The following ANKRD11 variants were observed in gnomAD, a reference collection of about 807,000 sequenced individuals.
The protein encoded by ANKRD11 is ankyrin repeat domain 11.
A neutral mutation model predicts 195.7 loss-of-function variants in ANKRD11; 17 were observed. The observed-to-expected ratio is 0.09, with a 90% CI of 0.06 to 0.13. The LOEUF (loss-of-function observed/expected upper bound fraction) is 0.13. Among genes scored for constraint, ANKRD11 ranks in the 10% least tolerant of loss-of-function variants. The probability of loss-of-function intolerance (pLI) is 1.00; values close to 1 mark genes in which losing one functional copy is unlikely to be tolerated. For missense variants in ANKRD11, 3,735 were observed against 3,566.1 expected, an observed-to-expected ratio of 1.05 and a Z score of -1.21; for synonymous variants, 1,953 against 1,528.1, an observed-to-expected ratio of 1.28 and a Z score of -6.49.
At chr16:89,384,847 G>A (rs560089790) in intron 2 of ANKRD11, among the ~76,000 whole-genome samples, 1 of 142,564 alleles carries the variant, frequency 7.0e-6, no homozygotes, top group East Asian at 2.1e-4. Context: ...GTAAGAACAT[G>A]TGTGTGGGAG....
chr16:89,324,324 C>A (rs1431838214), intron 2 of ANKRD11: 1 of 1,244,700 alleles, frequency 8.0e-7, no homozygotes, highest in Non-Finnish European at 1.1e-6. Flanking sequence ...ACACAGCAGT[C>A]GGGGCGACGT....
chr16:89,304,865 GGGAACCACTGTCTC>G (rs1369517498), intron 4 of ANKRD11, among the ~76,000 whole-genome samples: 8 of 152,192 alleles, frequency 5.3e-5, no homozygotes, highest in African/African-American at 1.7e-4. Context: ...TGGCCCTGAG[GGGAACCACTGTCTC>G]CCTCCCGTGT....
At chr16:89,424,894 C>G (rs1458553197) in intron 1 of ANKRD11, among the ~76,000 whole-genome samples, 1 of 152,122 alleles carries the variant, frequency 6.6e-6, no homozygotes, top group Admixed American at 6.5e-5. Flanking sequence ...CTAACACACA[C>G]GTACAAGTAA....
chr16:89,313,217 G>C, intron 3 of ANKRD11: 1 of 1,179,332 alleles, frequency 8.5e-7, no homozygotes, highest in South Asian at 1.4e-5. Context: ...TCTGAGTGGC[G>C]TGCATGGAGC....
intron 1 of ANKRD11, among the ~76,000 whole-genome samples, chr16:89,441,269 T>TA (rs995184845): frequency 2.0e-5 from 3 of 151,766 alleles, no homozygotes; most frequent in Admixed American, 6.6e-5. Flanking sequence ...ATGCATGCGC[T>TA]AAAACCCTCT....
chr16:89,488,763 G>T (rs892237830), intron 1 of ANKRD11, among the ~76,000 whole-genome samples: 1 of 152,170 alleles, frequency 6.6e-6, no homozygotes, highest in African/African-American at 2.4e-5. Flanking sequence ...CAACAACTGT[G>T]CACACTTTTA....
In ANKRD11 at chr16:89,336,367, C is replaced by T. The variant is rs146561689; in HGVS notation, c.-59-19289G>A. On this transcript the variant is annotated intron_variant, in intron 2 of 12. Transcript: ENST00000301030. Reference sequence around the variant, plus strand: ...GTCGTCAGACCTAGAGGCGGGTGTGCGTCCACAGACAGCACACTGGATTCA... The same window carrying T: ...GTCGTCAGACCTAGAGGCGGGTGTGTGTCCACAGACAGCACACTGGATTCA... Among the ~76,000 whole-genome samples the T allele has an allele frequency of 9.6e-3, 1,462 of 152,254 alleles. 22 individuals are homozygous for T. Among genetic ancestry groups the T allele is most frequent in the African/African-American group, 0.033 (1,389 of 41,514 alleles).
chr16:89,402,202 C>G (rs1363693969), intron 2 of ANKRD11, among the ~76,000 whole-genome samples: 1 of 152,134 alleles, frequency 6.6e-6, no homozygotes, highest in African/African-American at 2.4e-5. Flanking sequence ...GAAAGCACAG[C>G]CCTTCCAACA....
chr16:89,313,191 G>T (rs928735164), intron 3 of ANKRD11: 9 of 1,015,540 alleles, frequency 8.9e-6, no homozygotes, highest in Middle Eastern at 8.5e-4. Context: ...TCAGGGGGCT[G>T]TGAGGCTGCC....
intron 1 of ANKRD11, among the ~76,000 whole-genome samples, chr16:89,448,190 G>C (rs532024216): frequency 6.6e-6 from 1 of 151,878 alleles, no homozygotes; most frequent in African/African-American, 2.4e-5. Flanking sequence ...CCTGCAGACA[G>C]TGGGCACCTT....
chr16:89,302,170 G>C (rs1256925088), intron 4 of ANKRD11, among the ~76,000 whole-genome samples: 4 of 152,246 alleles, frequency 2.6e-5, no homozygotes, highest in Non-Finnish European at 5.9e-5. Context: ...CTGGGGGAAG[G>C]AGGGGACGCG....
At chr16:89,368,082 G>T (rs1158355141) in intron 2 of ANKRD11, among the ~76,000 whole-genome samples, 2 of 152,208 alleles carry the variant, frequency 1.3e-5, no homozygotes, top group Admixed American at 6.5e-5. Flanking sequence ...CTGTTTATCT[G>T]ATTTCTAGTC....
rs1461082789 is a variant in ANKRD11, at chr16:89,396,375, G to A, written c.-60+21909C>T. 3.9e-5 allele frequency among the ~76,000 whole-genome samples: 6 copies of A among 152,104 alleles called. 1 individual carries two copies. The South Asian group carries it at 8.3e-4, about 21-fold the overall frequency. On this transcript the variant is annotated intron_variant, in intron 2 of 12. Transcript: ENST00000301030. ...ACTCCCACACACACGCGACGGAGCC[G>A]CACTCGCCGCAAGAGAGACCAAAGG... is the stretch of plus-strand genomic sequence containing the variant.
chr16:89,269,479 C>G (rs2032945979), intron 12 of ANKRD11, among the ~76,000 whole-genome samples: 1 of 152,174 alleles, frequency 6.6e-6, no homozygotes, highest in African/African-American at 2.4e-5. Context: ...CTCGGCAGCT[C>G]AGACATCACC....
chr16:89,325,950 G>C (rs1371426048), intron 2 of ANKRD11, among the ~76,000 whole-genome samples: 1 of 152,188 alleles, frequency 6.6e-6, no homozygotes. Flanking sequence ...CCAGCATGTC[G>C]GGCAGGCCTA....
At chr16:89,461,428 A>G (rs1373559498) in intron 1 of ANKRD11, among the ~76,000 whole-genome samples, 4 of 152,168 alleles carry the variant, frequency 2.6e-5, no homozygotes, top group African/African-American at 9.7e-5. Context: ...GGTCAATTTT[A>G]TACTGCTGGG....
intron 2 of ANKRD11, among the ~76,000 whole-genome samples, chr16:89,407,866 A>G (rs1186409473): frequency 6.6e-6 from 1 of 152,004 alleles, no homozygotes; most frequent in Non-Finnish European, 1.5e-5. Context: ...AAAAAAAAAA[A>G]AAAAAAAGAA....
At chr16:89,414,399 G>A (rs966973522) in intron 2 of ANKRD11, among the ~76,000 whole-genome samples, 4 of 152,264 alleles carry the variant, frequency 2.6e-5, no homozygotes, top group Admixed American at 6.5e-5. Context: ...ACTGGGAACC[G>A]CGTGCTGGGG....
chr16:89,401,720 G>A (rs1033227349), intron 2 of ANKRD11, among the ~76,000 whole-genome samples: 4 of 152,226 alleles, frequency 2.6e-5, no homozygotes, highest in Non-Finnish European at 5.9e-5. Context: ...TCGCTAGGGT[G>A]GGCCCTCACC....
Sources: gnomAD v4.1 joint callset for allele counts (sites outside exome capture counted in the v4.1 genomes callset) on GRCh38, gnomAD v4.1.1 for gene constraint, MANE v1.5 for transcripts, NCBI Gene and HGNC (gene_info 2026-07-23, HGNC 2026-07-21) for gene names.